FAM135A: variants seen among roughly 807,000 people sequenced by gnomAD.
FAM135A encodes family with sequence similarity 135 member A.
Under a neutral mutation model 146.8 loss-of-function variants are expected in FAM135A, and 79 were observed. That is an observed-to-expected ratio of 0.54 (90% confidence interval 0.45 to 0.65). The LOEUF is 0.65. FAM135A is among the 30% of genes least tolerant of loss of function. FAM135A has a pLI of 0.00. For synonymous variants in FAM135A, 562 were observed against 603.6 expected (o/e 0.93, Z 1.01); for missense variants, 1,623 against 1,758.2 (o/e 0.92, Z 1.38).
Position 70,452,536 on chromosome 6 carries a change from C to A in FAM135A, c.122C>A (p.Pro41His). The change falls in exon 5 of 22, where the codon CCC becomes CAC. Residue 41 changes from proline (P) to histidine (H), a missense_variant. By Grantham distance (77) the Pro-to-His change is moderately conservative. This residue lies in a region of FAM135A where 171 missense variants were observed against 164.9 expected (regional missense o/e 1.04). Transcript: ENST00000418814. The part of the protein sequence containing the change: ...RASMKIPSRI[P>H]HRVEASLLHA... ...TCTATGAAAATTCCATCAAGAATTC[C>A]CCACAGAGTAGAAGCTAGTTTGTTG... The A allele has an allele frequency of 6.3e-7, 1 of 1,595,406 alleles. No homozygotes were observed. The highest frequency in any genetic ancestry group is 1.2e-5 in the South Asian group (1 of 86,244).
rs1785510462 is a variant in FAM135A, at chr6:70,489,796, C to T, written c.824-1238C>T. Among the ~76,000 whole-genome samples the T allele has an allele frequency of 2.6e-5, 4 of 152,228 alleles. No individual in the cohort carries two copies. In the South Asian group the frequency reaches 8.3e-4, roughly 32 times the overall value. ...CTTGTCTCGTTAGCATTTAAAATCT[C>T]CACCTAGGGATGTGTTTTTTACTAT... On this transcript the variant is annotated intron_variant, in intron 10 of 21. Transcript: ENST00000418814.
intron 5 of FAM135A, among the ~76,000 whole-genome samples, chr6:70,473,146 C>T (rs1348658425): frequency 1.3e-5 from 2 of 152,070 alleles, no homozygotes; most frequent in Admixed American, 6.6e-5. Context: ...CAGATATGGC[C>T]GGGGCATTCT....
At chr6:70,456,092 C>T (rs1238061691) in intron 5 of FAM135A, among the ~76,000 whole-genome samples, 1 of 152,186 alleles carries the variant, frequency 6.6e-6, no homozygotes, top group Non-Finnish European at 1.5e-5. Flanking sequence ...CCTTGTGGTC[C>T]ACCCGCCTCG....
At position 70,529,038 on chromosome 6, in the gene FAM135A, C is replaced by A. The variant is rs139019882; in HGVS notation, c.3775+586C>A. Among the ~76,000 whole-genome samples, 473 of 149,788 alleles carry A rather than the reference C, an allele frequency of 3.2e-3. 3 individuals are homozygous for A. Among genetic ancestry groups the A allele is most frequent in the African/African-American group, 0.011 (448 of 40,752 alleles). On this transcript the variant is annotated intron_variant, in intron 16 of 21. Coordinates refer to ENST00000418814, the MANE Select transcript of FAM135A (RefSeq NM_001162529.3). ...GAGCTCAGTGGATTTTTTTTTTTAT[C>A]TTCTCTCTTATTGTTGGTTTTGCCA...
At chr6:70,519,509 C>A (rs962763212) in intron 12 of FAM135A, among the ~76,000 whole-genome samples, 3 of 152,178 alleles carry the variant, frequency 2.0e-5, no homozygotes, top group Non-Finnish European at 2.9e-5. Flanking sequence ...AAGGAGAAAT[C>A]TTTTGTGAAA....
At chr6:70,480,358 T>C (rs1021125636) in intron 8 of FAM135A, among the ~76,000 whole-genome samples, 1 of 152,182 alleles carries the variant, frequency 6.6e-6, no homozygotes, top group Non-Finnish European at 1.5e-5. Context: ...TAGTTCTAGC[T>C]GCTAGGGACT....
intron 21 of FAM135A, among the ~76,000 whole-genome samples, chr6:70,558,531 TG>T (rs1015095051): frequency 6.6e-6 from 1 of 152,184 alleles, no homozygotes; most frequent in African/African-American, 2.4e-5. Flanking sequence ...AAACATTGTT[TG>T]GGCGCAGTGG....
intron 20 of FAM135A, among the ~76,000 whole-genome samples, chr6:70,547,547 G>A (rs1799076453): frequency 6.6e-6 from 1 of 152,016 alleles, no homozygotes; most frequent in African/African-American, 2.4e-5. Flanking sequence ...TCCACCTTCA[G>A]CAGTGATGAC....
chr6:70,448,104 A>G (rs1326718695), intron 4 of FAM135A, among the ~76,000 whole-genome samples: 3 of 152,202 alleles, frequency 2.0e-5, no homozygotes, highest in African/African-American at 4.8e-5. Flanking sequence ...TCCTGCCTGA[A>G]TAAAACTAAG....
chr6:70,518,066 T>A (rs934898620), intron 12 of FAM135A, among the ~76,000 whole-genome samples: 1 of 152,240 alleles, frequency 6.6e-6, no homozygotes, highest in South Asian at 2.1e-4. Context: ...AAAGCCAAGA[T>A]AGACTGCAAG....
chr6:70,532,545 A>G (rs547851747), intron 16 of FAM135A, among the ~76,000 whole-genome samples: 27 of 152,300 alleles, frequency 1.8e-4, no homozygotes, highest in African/African-American at 6.5e-4. Flanking sequence ...ATTTATAGCT[A>G]CTGTAGCCGG....
Position 70,533,075 on chromosome 6 carries a change from C to A in FAM135A, c.3776-85C>A. 2.8e-6 allele frequency: 3 copies of A among 1,058,846 alleles called. No homozygotes were observed. The South Asian group carries it at 4.1e-5, about 14-fold the overall frequency. 65.6% of individuals were successfully genotyped at this position (1,058,846 alleles called of 1,614,324 possible). A position where few individuals can be genotyped will look rare whatever the true frequency, so the allele number is the denominator to read the frequency against. On this transcript the variant is annotated intron_variant, in intron 16 of 21. Transcript: ENST00000418814. ...CAAATGGCATAGGCCATAAGCTTGT[C>A]TCTAAAAACTGTAAAAATATGTGAT...
At chr6:70,414,645 C>T (rs1767141995) in intron 1 of FAM135A, among the ~76,000 whole-genome samples, 1 of 152,168 alleles carries the variant, frequency 6.6e-6, no homozygotes, top group African/African-American at 2.4e-5. Flanking sequence ...GCTAGGTATC[C>T]ACTCAATGTT....
chr6:70,431,124 T>C (rs574396152), intron 4 of FAM135A, among the ~76,000 whole-genome samples: 39 of 152,192 alleles, frequency 2.6e-4, no homozygotes, highest in Non-Finnish European at 4.7e-4. Context: ...CCAGAATTAA[T>C]GCCACTTATT....
At chr6:70,530,005 G>A (rs1013365456) in intron 16 of FAM135A, among the ~76,000 whole-genome samples, 1 of 152,034 alleles carries the variant, frequency 6.6e-6, no homozygotes, top group South Asian at 2.1e-4. Context: ...CGGAGCTTGC[G>A]GTGAGCTGAG....
At chr6:70,517,481 C>T (rs1230557819) in intron 12 of FAM135A, among the ~76,000 whole-genome samples, 3 of 148,732 alleles carry the variant, frequency 2.0e-5, no homozygotes, top group Non-Finnish European at 4.4e-5. Context: ...TGCAATGGCA[C>T]GATCTTAGCT....
At chr6:70,540,128 A>G (rs1251744349) in intron 20 of FAM135A, among the ~76,000 whole-genome samples, 2 of 152,170 alleles carry the variant, frequency 1.3e-5, no homozygotes, top group Admixed American at 6.5e-5. Flanking sequence ...TAGATAATTC[A>G]TTATGCATCA....
At chr6:70,467,260 G>A (rs920288111) in intron 5 of FAM135A, among the ~76,000 whole-genome samples, 2 of 151,824 alleles carry the variant, frequency 1.3e-5, no homozygotes, top group African/African-American at 4.8e-5. Flanking sequence ...TTGGTTTGCA[G>A]CATTGCTGTT....
intron 11 of FAM135A, among the ~76,000 whole-genome samples, chr6:70,498,806 T>C (rs993930510): frequency 2.0e-5 from 3 of 152,236 alleles, no homozygotes; most frequent in Admixed American, 6.5e-5. Context: ...TTCTTAATCC[T>C]GAGTTCTAAT....
Sources: allele counts gnomAD v4.1 joint callset (sites outside exome capture counted in the v4.1 genomes callset), GRCh38; gene constraint gnomAD v4.1.1; regional missense constraint gnomAD v4.1.1; transcripts MANE v1.5; gene names NCBI Gene and HGNC (gene_info 2026-07-23, HGNC 2026-07-21).